Variants in TMEM163 observed in about 807,000 individuals in gnomAD.
TMEM163 encodes the protein transmembrane protein 163.
In TMEM163, 17 loss-of-function variants were observed where a neutral mutation model predicts 29.3. The ratio of observed to expected loss-of-function variants is 0.58; its 90% CI spans 0.40 to 0.87. The LOEUF (loss-of-function observed/expected upper bound fraction) is 0.87, where lower values mean the gene tolerates loss of function less well. Among genes scored for constraint, TMEM163 ranks in the 40% least tolerant of loss-of-function variants. The pLI, the probability that TMEM163 is intolerant of heterozygous loss-of-function variation, is 0.00. For synonymous variants in TMEM163, 157 were observed against 160.6 expected (o/e 0.98, Z 0.17); for missense variants, 303 against 381.5 (o/e 0.79, Z 1.71).
intron 2 of TMEM163, among the ~76,000 whole-genome samples, chr2:134,569,798 T>C (rs1028476306): frequency 2.0e-5 from 3 of 152,212 alleles, no homozygotes; most frequent in Admixed American, 6.5e-5. Context: ...CAGTCGACTA[T>C]AGTATGAAAA....
intron 2 of TMEM163, among the ~76,000 whole-genome samples, chr2:134,603,369 G>A (rs900086025): frequency 4.6e-5 from 7 of 152,140 alleles, no homozygotes; most frequent in African/African-American, 7.2e-5. Context: ...TTGAACTGAC[G>A]GTAATGAGGA....
chr2:134,498,161 C>T (rs1405250793), intron 5 of TMEM163, among the ~76,000 whole-genome samples: 1 of 152,098 alleles, frequency 6.6e-6, no homozygotes, highest in Non-Finnish European at 1.5e-5. Flanking sequence ...CATGACTTGC[C>T]TGCAGTCACA....
intron 2 of TMEM163, among the ~76,000 whole-genome samples, chr2:134,624,007 C>T (rs1682794306): frequency 1.3e-5 from 2 of 152,284 alleles, no homozygotes; most frequent in Middle Eastern, 3.4e-3. Flanking sequence ...AAACCTTCCG[C>T]CCCAGAACTG....
intron 2 of TMEM163, among the ~76,000 whole-genome samples, chr2:134,571,156 A>G (rs1458112098): frequency 2.6e-5 from 4 of 152,232 alleles, no homozygotes; most frequent in Non-Finnish European, 5.9e-5. Context: ...CAAATTATAG[A>G]TAGCCTCAGT....
At chr2:134,590,981 T>C (rs1681923637) in intron 2 of TMEM163, among the ~76,000 whole-genome samples, 1 of 152,132 alleles carries the variant, frequency 6.6e-6, no homozygotes, top group African/African-American at 2.4e-5. Flanking sequence ...ATGCCTGCAA[T>C]GGAAAGTTCC....
intron 2 of TMEM163, among the ~76,000 whole-genome samples, chr2:134,655,042 C>A (rs1166709471): frequency 9.2e-6 from 1 of 108,636 alleles, no homozygotes; most frequent in Non-Finnish European, 1.7e-5. Flanking sequence ...TTGCTCTTCT[C>A]GAGGAGTATC....
At chr2:134,524,554 T>C (rs2106496458) in intron 4 of TMEM163, among the ~76,000 whole-genome samples, 2 of 149,744 alleles carry the variant, frequency 1.3e-5, no homozygotes, top group African/African-American at 4.9e-5. Flanking sequence ...GGCCCCAGTG[T>C]GTGTTCTTCC....
intron 5 of TMEM163, among the ~76,000 whole-genome samples, chr2:134,488,992 C>A (rs1355884359): frequency 6.6e-6 from 1 of 152,102 alleles, no homozygotes; most frequent in African/African-American, 2.4e-5. Flanking sequence ...ATTCTGAGAA[C>A]ATGAACTAGG....
intron 5 of TMEM163, among the ~76,000 whole-genome samples, chr2:134,500,571 T>G (rs1679675293): frequency 6.6e-6 from 1 of 151,506 alleles, no homozygotes; most frequent in Admixed American, 6.6e-5. Context: ...GATTTTTAAA[T>G]CCCACACCAA....
At chr2:134,584,648 A>G (rs1221124150) in intron 2 of TMEM163, among the ~76,000 whole-genome samples, 1 of 151,868 alleles carries the variant, frequency 6.6e-6, no homozygotes, top group Non-Finnish European at 1.5e-5. Context: ...AAAAAAAAAA[A>G]AAAAAAGTAC....
At chr2:134,595,095 T>C (rs1347993244) in intron 2 of TMEM163, among the ~76,000 whole-genome samples, 1 of 151,622 alleles carries the variant, frequency 6.6e-6, no homozygotes, top group African/African-American at 2.4e-5. Context: ...ATTTTTATTT[T>C]TATTTATTTT....
chr2:134,551,316 G>A (rs1680917132), intron 3 of TMEM163, among the ~76,000 whole-genome samples: 1 of 151,948 alleles, frequency 6.6e-6, no homozygotes, highest in Admixed American at 6.6e-5. Context: ...TTTCCTGGAT[G>A]GTCCACATCT....
chr2:134,598,633 G>A (rs898128407), intron 2 of TMEM163, among the ~76,000 whole-genome samples: 1 of 152,168 alleles, frequency 6.6e-6, no homozygotes, highest in Non-Finnish European at 1.5e-5. Flanking sequence ...AGCGTTGCAG[G>A]CTGGGCGTGG....
At chr2:134,704,420 A>T (rs1684763184) in intron 2 of TMEM163, among the ~76,000 whole-genome samples, 1 of 152,042 alleles carries the variant, frequency 6.6e-6, no homozygotes, top group Non-Finnish European at 1.5e-5. Flanking sequence ...GCCCACACCA[A>T]AGACTGGTCT....
chr2:134,634,697 C>G (rs1178008459), intron 2 of TMEM163, among the ~76,000 whole-genome samples: 1 of 152,212 alleles, frequency 6.6e-6, no homozygotes, highest in Non-Finnish European at 1.5e-5. Flanking sequence ...AAGGGCCAGA[C>G]AGTAGATATT....
At chr2:134,497,098 T>C (rs892923662) in intron 5 of TMEM163, among the ~76,000 whole-genome samples, 3 of 152,332 alleles carry the variant, frequency 2.0e-5, no homozygotes, top group African/African-American at 7.2e-5. Flanking sequence ...AGCTCCTCTG[T>C]GTTCTCATGT....
chr2:134,666,607 T>A (rs1683877494), intron 2 of TMEM163, among the ~76,000 whole-genome samples: 1 of 152,168 alleles, frequency 6.6e-6, no homozygotes, highest in South Asian at 2.1e-4. Flanking sequence ...TGGAACTGAG[T>A]AGGGGAAGCA....
chr2:134,475,134 G>A (rs559125139), intron 5 of TMEM163, among the ~76,000 whole-genome samples: 2 of 152,192 alleles, frequency 1.3e-5, no homozygotes, highest in East Asian at 1.9e-4. Context: ...TGAAGCTATT[G>A]TAATCAAGAA....
intron 4 of TMEM163, among the ~76,000 whole-genome samples, chr2:134,540,867 C>T (rs533630239): frequency 6.6e-6 from 1 of 152,304 alleles, no homozygotes; most frequent in East Asian, 1.9e-4. Context: ...TAAGTCTTTC[C>T]TTCTGCAATT....
Sources: allele counts gnomAD v4.1 joint callset (sites outside exome capture counted in the v4.1 genomes callset), GRCh38; gene constraint gnomAD v4.1.1; transcripts MANE v1.5; gene names NCBI Gene and HGNC (gene_info 2026-07-23, HGNC 2026-07-21).